Variants in PLPPR3 observed in about 807,000 individuals in gnomAD.
The protein encoded by PLPPR3 is phospholipid phosphatase related 3, also known as phospholipid phosphatase-related protein type 3.
A neutral mutation model predicts 27.3 loss-of-function variants in PLPPR3; 14 were observed. The ratio of observed to expected loss-of-function variants is 0.51; its 90% CI spans 0.34 to 0.80. The LOEUF (loss-of-function observed/expected upper bound fraction) is 0.80. Among genes scored for constraint, PLPPR3 ranks in the 30% least tolerant of loss-of-function variants. The pLI, the probability that PLPPR3 is intolerant of heterozygous loss-of-function variation, is 0.01. For missense variants in PLPPR3, 1,287 were observed against 1,056.9 expected (o/e 1.22, Z -3.02); for synonymous variants, 671 against 508.0 (o/e 1.32, Z -4.32).
Position 814,977 on chromosome 19 carries a change from A to C in PLPPR3, c.508T>G (p.Tyr170Asp). The change falls in exon 5 of 8, where the codon TAC (tyrosine) becomes GAC (aspartate). Residue 170 changes from tyrosine (Y) to aspartate (D), a missense_variant. By Grantham distance (160) the Tyr-to-Asp change is radical. Transcript: ENST00000520876. ...TCGCAGGACGTGCCCAGGAGAGTGT[A>C]GTTGGGCTTGCAGACGGTGAGGAAG... is the stretch of plus-strand genomic sequence containing the variant. ...PFFLTVCKPN[Y>D]TLLGTSCEVN... is the part of the protein sequence containing the mutation. The C allele has an allele frequency of 6.2e-7, 1 of 1,612,578 alleles. No homozygotes were observed. The highest frequency in any genetic ancestry group is 8.5e-7 in the Non-Finnish European group (1 of 1,179,926).
chr19:812,738 CGTGGCCAGGTTGACG>C lies in PLPPR3; in HGVS notation c.1974_1988del (p.Val659_Thr663del), dbSNP rs988209710. ...CGCCCAGCGGGGGCAGCCCCTCGCC[CGTGGCCAGGTTGACG>C]GTGGCCACGGCCCCGAACCGCGGCT... is the stretch of plus-strand genomic sequence containing the variant. On this transcript the variant is annotated inframe_deletion, in exon 8 of 8. Transcript: ENST00000520876. The C allele has an allele frequency of 2.8e-6, 3 of 1,068,084 alleles. No homozygotes were observed. Among genetic ancestry groups the C allele is most frequent in the Non-Finnish European group, 3.4e-6 (3 of 882,676 alleles). 66.2% of individuals were successfully genotyped at this position (1,068,084 alleles called of 1,614,324 possible). A position where few individuals can be genotyped will look rare whatever the true frequency, so the allele number is the denominator to read the frequency against.
In PLPPR3 at chr19:813,106, C is replaced by T. The variant is rs747025380; in HGVS notation, c.1621G>A (p.Ala541Thr). 4.0e-6 allele frequency: 6 copies of T among 1,500,926 alleles called. No homozygotes were observed. The highest frequency in any genetic ancestry group is 4.5e-5 in the Admixed American group (2 of 44,334). 93.0% of individuals were successfully genotyped at this position (1,500,926 alleles called of 1,614,324 possible). ...ANPPRLLQVI[A>T]MSKAPGAPGP... The stretch of plus-strand genomic sequence containing the variant: ...GGCGCGCCCGGAGCCTTGGACATGG[C>T]GATGACCTGCAGCAGCCGCGGAGGG... The change falls in exon 8 of 8, where the codon GCC (alanine) becomes ACC (threonine). Residue 541 changes from alanine (A) to threonine (T), a missense_variant. Coordinates refer to ENST00000520876, the MANE Select transcript of PLPPR3 (RefSeq NM_001270366.2). This position sits in a 1 kb window ranked among gnomAD's most constrained non-coding sequence, Gnocchi z 4.1.
At chr19:818,377 C>T (rs1036882592) in intron 2 of PLPPR3, among the ~76,000 whole-genome samples, 2 of 151,618 alleles carry the variant, frequency 1.3e-5, no homozygotes, top group African/African-American at 2.4e-5. Flanking sequence ...AGCAGGACTC[C>T]ATCTCAAAAA....
chr19:817,368 G>A (rs1008562466), intron 2 of PLPPR3, among the ~76,000 whole-genome samples: 1 of 152,108 alleles, frequency 6.6e-6, no homozygotes, highest in African/African-American at 2.4e-5. Context: ...CCGCCTCCAG[G>A]TTCAAGAGAT....
intron 2 of PLPPR3, among the ~76,000 whole-genome samples, chr19:819,998 G>A (rs1379283610): frequency 1.3e-5 from 2 of 151,928 alleles, no homozygotes; most frequent in Non-Finnish European, 2.9e-5. Flanking sequence ...ACACCACCAC[G>A]CCCAGCTATT....
At position 813,742 on chromosome 19, in the gene PLPPR3, G is replaced by T; in HGVS notation, c.985C>A (p.Pro329Thr). The T allele has an allele frequency of 6.6e-7, 1 of 1,525,928 alleles. No individual in the cohort carries two copies. The highest frequency in any genetic ancestry group is 8.8e-7 in the Non-Finnish European group (1 of 1,142,432). The allele number at this position is 1,525,928 out of a possible 1,614,324, so 94.5% of individuals were successfully genotyped here. The change falls in exon 8 of 8, where the codon CCA (proline) becomes ACA (threonine). Residue 329 changes from proline (P) to threonine (T), a missense_variant. Physicochemically the swap from Pro to Thr is conservative, Grantham distance 38. Transcript: ENST00000520876. This position sits in a 1 kb window ranked among gnomAD's most constrained non-coding sequence, Gnocchi z 4.1. ...CGGGGCGCGCCCTCCAGCCGCCCTG[G>T]GGGCCCCAGCTCGTCGGTGCTCACC... Reference protein sequence around the residue: ...KSVSTDELGPPGRLEGAPRPV... With the variant: ...KSVSTDELGPTGRLEGAPRPV...
At chr19:818,769 A>C (rs556555154) in intron 2 of PLPPR3, among the ~76,000 whole-genome samples, 1 of 151,978 alleles carries the variant, frequency 6.6e-6, no homozygotes, top group Non-Finnish European at 1.5e-5. Context: ...TCCTGACCTC[A>C]TGATCCGCCC....
chr19:813,637 G>T lies in PLPPR3; in HGVS notation c.1090C>A (p.Pro364Thr). 1 of 1,539,608 alleles carries T rather than the reference G, an allele frequency of 6.5e-7. No individual in the cohort carries two copies. ...VDVDLLAPRS[P>T]MAKENMVTFS... is the part of the protein sequence containing the mutation. ...GTCACCATGTTCTCCTTGGCCATGG[G>T]GCTGCGCGGGGCCAGCAGGTCCACG... Residue 364 changes from proline to threonine, a missense_variant, in exon 8 of 8, where the codon CCC (proline) becomes ACC (threonine). Coordinates refer to ENST00000520876, the MANE Select transcript of PLPPR3 (RefSeq NM_001270366.2). The surrounding 1 kb of genome is among the most constrained non-coding windows in gnomAD (Gnocchi z 4.1).
chr19:814,647 G>A, intron 6 of PLPPR3, 40 bp from the exon 7 acceptor site: 1 of 1,610,014 alleles, frequency 6.2e-7, no homozygotes. Flanking sequence ...GCTCCCCACG[G>A]GTCAGCAAGA....
intron 7 of PLPPR3, among the ~76,000 whole-genome samples, chr19:814,223 C>A (rs1398317970): frequency 2.0e-5 from 3 of 150,486 alleles, no homozygotes; most frequent in African/African-American, 4.9e-5. Context: ...TGCCTCCCCC[C>A]TCAGACCCTC....
At chr19:823,590 G>A (rs1252897830), upstream of PLPPR3, among the ~76,000 whole-genome samples, 1 of 152,230 alleles carries the variant, frequency 6.6e-6, no homozygotes, top group Non-Finnish European at 1.5e-5. Context: ...ATGGGAATAG[G>A]ATGGGAACTC....
intron 2 of PLPPR3, among the ~76,000 whole-genome samples, chr19:820,257 C>A (rs1018269765): frequency 2.6e-5 from 4 of 152,128 alleles, no homozygotes; most frequent in African/African-American, 9.7e-5. Flanking sequence ...GATCACAACT[C>A]ACTACAGCCT....
At chr19:821,385 C>T (rs1422805689) in intron 2 of PLPPR3, 100 bp downstream of exon 2, 3 of 1,067,160 alleles carry the variant, frequency 2.8e-6, no homozygotes, top group Admixed American at 3.4e-5. Flanking sequence ...GAGGCCACTG[C>T]CGGGGCAGCT....
Position 813,636 on chromosome 19 carries a change from G to T in PLPPR3, c.1091C>A (p.Pro364His), listed in dbSNP as rs868127809. Residue 364 changes from proline (P) to histidine (H), a missense_variant, in exon 8 of 8, where the codon CCC becomes CAC. Coordinates refer to ENST00000520876, the MANE Select transcript of PLPPR3 (RefSeq NM_001270366.2). The surrounding 1 kb of genome is among the most constrained non-coding windows in gnomAD (Gnocchi z 4.1). ...GGTCACCATGTTCTCCTTGGCCATG[G>T]GGCTGCGCGGGGCCAGCAGGTCCAC... ...VDVDLLAPRS[P>H]MAKENMVTFS... 1 of 1,539,546 alleles carries T rather than the reference G, an allele frequency of 6.5e-7. No homozygotes were observed. Among genetic ancestry groups the T allele is most frequent in the Non-Finnish European group, 8.7e-7 (1 of 1,145,150 alleles).
At chr19:818,952 C>T (rs893736297) in intron 2 of PLPPR3, among the ~76,000 whole-genome samples, 5 of 112,782 alleles carry the variant, frequency 4.4e-5, no homozygotes, top group Admixed American at 1.9e-4. Flanking sequence ...AGCCACTGCG[C>T]TCGGCCTTAT....
In PLPPR3 at chr19:816,750, CCATCCACCCACCCAT is replaced by C. The variant is rs1486270176; in HGVS notation, c.76-914_76-900del. Among the ~76,000 whole-genome samples, 3 of 150,806 alleles carry C rather than the reference CCATCCACCCACCCAT, an allele frequency of 2.0e-5. No homozygotes were observed. In the East Asian group the frequency reaches 5.8e-4, roughly 29 times the overall value. ...ATTACCCAGCCATTCATTCATCCAT[CCATCCACCCACCCAT>C]CATCCATCCACCCATTCTCCACCCA... On this transcript the variant is annotated intron_variant, in intron 2 of 7. Transcript: ENST00000520876.
Position 813,064 on chromosome 19 carries a change from C to G in PLPPR3, c.1663G>C (p.Glu555Gln), listed in dbSNP as rs1372140647. 6.7e-7 allele frequency: 1 copy of G among 1,501,674 alleles called. No homozygotes were observed. Among genetic ancestry groups the G allele is most frequent in the Admixed American group, 2.2e-5 (1 of 44,500 alleles). The allele number at this position is 1,501,674 out of a possible 1,614,324, so 93.0% of individuals were successfully genotyped here. Residue 555 changes from glutamate to glutamine, a missense_variant, in exon 8 of 8, where the codon GAG becomes CAG. Transcript: ENST00000520876. The surrounding 1 kb of genome is among the most constrained non-coding windows in gnomAD (Gnocchi z 4.1). ...CTGGCGCTGGACGACGACGCCGTCT[C>G]GGCCGCCTTGGGGCCCGGCGCGCCC... Reference protein sequence around the residue: ...APGAPGPKAAETASSSSASSD... With the variant: ...APGAPGPKAAQTASSSSASSD...
chr19:814,374 G>C, intron 7 of PLPPR3, 60 bp downstream of exon 7: 1 of 1,493,948 alleles, frequency 6.7e-7, no homozygotes, highest in South Asian at 1.3e-5. Flanking sequence ...GGGCACTCAT[G>C]CCTCCCCCCT....
In PLPPR3 at chr19:815,091, G is replaced by A. The variant is rs376727977; in HGVS notation, c.404-10C>T. 113 of 1,602,492 alleles carry A rather than the reference G, an allele frequency of 7.1e-5. No homozygotes were observed. Among genetic ancestry groups the A allele is most frequent in the Non-Finnish European group, 8.1e-5 (96 of 1,179,594 alleles). On this transcript the variant is annotated splice_polypyrimidine_tract_variant and intron_variant, in intron 4 of 7. Coordinates refer to ENST00000520876, the MANE Select transcript of PLPPR3 (RefSeq NM_001270366.2). Reference sequence around the variant, plus strand: ...CCGAACACGTGGACACCTGCAGGGCGGAAGGCTCGGCCAGGCGGGGAGCTG... The same window carrying A: ...CCGAACACGTGGACACCTGCAGGGCAGAAGGCTCGGCCAGGCGGGGAGCTG...
Sources: gnomAD v4.1 joint callset for allele counts (sites outside exome capture counted in the v4.1 genomes callset) on GRCh38, gnomAD v4.1.1 for gene constraint, Gnocchi (gnomAD v3.1) non-coding constraint, MANE v1.5 for transcripts, NCBI Gene and HGNC (gene_info 2026-07-23, HGNC 2026-07-21) for gene names.